The following SYTL3 variants were observed in gnomAD, a reference collection of about 807,000 sequenced individuals.
SYTL3 encodes the protein synaptotagmin-like protein 3.
Under a neutral mutation model 82.1 loss-of-function variants are expected in SYTL3, and 88 were observed. The observed-to-expected ratio is 1.07, with a 90% CI of 0.90 to 1.28. The LOEUF is 1.28. Ranked by LOEUF, SYTL3 falls within the 50% of genes most tolerant of loss-of-function variation. The probability of loss-of-function intolerance (pLI) is 0.00; values close to 1 mark genes in which losing one functional copy is unlikely to be tolerated. For missense variants in SYTL3, 831 were observed against 757.6 expected, an observed-to-expected ratio of 1.10 and a Z score of -1.14; for synonymous variants, 311 against 289.4, an observed-to-expected ratio of 1.07 and a Z score of -0.76.
intron 6 of SYTL3, among the ~76,000 whole-genome samples, chr6:158,705,620 G>T (rs1222928583): frequency 3.3e-5 from 2 of 59,972 alleles, no homozygotes; most frequent in Non-Finnish European, 6.4e-5. Flanking sequence ...CATAGAGCAG[G>T]AGGGACTCGG....
chr6:158,678,426 C>T (rs1213703196), intron 5 of SYTL3, among the ~76,000 whole-genome samples: 3 of 151,658 alleles, frequency 2.0e-5, no homozygotes, highest in African/African-American at 7.3e-5. Context: ...TAGCCACCTG[C>T]AGATGCAAGC....
intron 16 of SYTL3, among the ~76,000 whole-genome samples, chr6:158,762,892 G>T (rs1183987089): frequency 6.6e-6 from 1 of 152,156 alleles, no homozygotes; most frequent in Non-Finnish European, 1.5e-5. Flanking sequence ...ACTCCAGCCT[G>T]GGCGACAGAA....
chr6:158,677,986 C>T (rs1235275255), intron 5 of SYTL3, among the ~76,000 whole-genome samples: 1 of 152,102 alleles, frequency 6.6e-6, no homozygotes, highest in African/African-American at 2.4e-5. Context: ...ACCTCCTGGG[C>T]TCAAGCAGTC....
At chr6:158,712,646 G>A (rs886079438) in intron 8 of SYTL3, among the ~76,000 whole-genome samples, 11 of 152,190 alleles carry the variant, frequency 7.2e-5, no homozygotes, top group Middle Eastern at 3.4e-3. Context: ...ATCTTTCATC[G>A]TTTAGGATTA....
chr6:158,748,844 T>C (rs1787988773), intron 12 of SYTL3, among the ~76,000 whole-genome samples: 2 of 113,046 alleles, frequency 1.8e-5, no homozygotes, highest in Admixed American at 1.6e-4. Context: ...AAACTCCGCC[T>C]GAAAAAAAAA....
intron 6 of SYTL3, among the ~76,000 whole-genome samples, chr6:158,691,499 T>A (rs1779860531): frequency 1.3e-5 from 2 of 152,194 alleles, no homozygotes. Context: ...TCTCCTCTTT[T>A]GGCATCTGCT....
At chr6:158,687,110 C>T (rs1169693237) in intron 6 of SYTL3, among the ~76,000 whole-genome samples, 1 of 152,194 alleles carries the variant, frequency 6.6e-6, no homozygotes, top group Non-Finnish European at 1.5e-5. Flanking sequence ...TGCCTCTTTC[C>T]ACGCACTGGT....
At chr6:158,681,748 A>T (rs1348479692) in intron 5 of SYTL3, among the ~76,000 whole-genome samples, 1 of 152,164 alleles carries the variant, frequency 6.6e-6, no homozygotes, top group African/African-American at 2.4e-5. Context: ...CCCATATTCC[A>T]TACTTCAGGT....
intron 16 of SYTL3, 74 bp from the exon 17 acceptor site, chr6:158,763,230 G>A (rs1790234996): frequency 2.1e-6 from 3 of 1,413,584 alleles, no homozygotes; most frequent in South Asian, 1.2e-5. Context: ...CTTCCCGTCT[G>A]CACTGACGCA....
intron 6 of SYTL3, among the ~76,000 whole-genome samples, chr6:158,694,507 C>T (rs143216227): frequency 6.6e-6 from 1 of 151,942 alleles, no homozygotes; most frequent in African/African-American, 2.4e-5. Flanking sequence ...ATTGCCCAGG[C>T]TGGTCCTGAA....
At position 158,754,468 on chromosome 6, in the gene SYTL3, C is replaced by T. The variant is rs188391454; in HGVS notation, c.1137+2438C>T. ...GGGTGTGGTGGCTCACGCCTGTAATCCCAGCACTTTGGGAGGCCGAGGCAG... is the reference window on the plus strand; with the variant it reads ...GGGTGTGGTGGCTCACGCCTGTAATTCCAGCACTTTGGGAGGCCGAGGCAG... On this transcript the variant is annotated intron_variant, in intron 13 of 17. Transcript: ENST00000611299. Among the ~76,000 whole-genome samples the T allele has an allele frequency of 4.5e-3, 692 of 152,308 alleles. 2 individuals are homozygous for T. Among genetic ancestry groups the T allele is most frequent in the Non-Finnish European group, 5.9e-3 (402 of 68,030 alleles).
rs902140955 is a variant in SYTL3 at position 158,729,787 on chromosome 6, T to G, written c.855+4150T>G. On this transcript the variant is annotated intron_variant, in intron 11 of 17. Coordinates refer to ENST00000611299, the MANE Select transcript of SYTL3 (RefSeq NM_001242394.2). ...TTCACCGTGTTAGCCAGGATGGTCT[T>G]GATCTCCTGACCTTGTGATCCGCTC... Among the ~76,000 whole-genome samples, 4 of 152,008 alleles carry G rather than the reference T, an allele frequency of 2.6e-5. No individual in the cohort carries two copies. In the South Asian group the frequency reaches 8.3e-4, roughly 31 times the overall value.
At chr6:158,727,328 C>T (rs1243211778) in intron 11 of SYTL3, among the ~76,000 whole-genome samples, 9 of 151,730 alleles carry the variant, frequency 5.9e-5, no homozygotes, top group East Asian at 1.9e-4. Context: ...CCCACCACCA[C>T]GTCTGGCTAA....
intron 6 of SYTL3, among the ~76,000 whole-genome samples, chr6:158,699,582 C>T (rs1023060324): frequency 6.6e-6 from 1 of 152,104 alleles, no homozygotes; most frequent in African/African-American, 2.4e-5. Flanking sequence ...TTGTGTGAAT[C>T]CTCACAGTGC....
intron 6 of SYTL3, among the ~76,000 whole-genome samples, chr6:158,683,808 G>C (rs1583223330): frequency 6.6e-6 from 1 of 152,354 alleles, no homozygotes; most frequent in East Asian, 1.9e-4. Context: ...AGTGAGTGAA[G>C]AGCGTTTGAA....
At chr6:158,726,039 T>G in intron 11 of SYTL3, 2 of 590,788 alleles carry the variant, frequency 3.4e-6, no homozygotes. Context: ...GTGTCCAATC[T>G]CATGTGTTAA....
intron 6 of SYTL3, among the ~76,000 whole-genome samples, chr6:158,687,343 T>C (rs1779404738): frequency 6.6e-6 from 1 of 152,150 alleles, no homozygotes; most frequent in African/African-American, 2.4e-5. Flanking sequence ...CCTCATGACA[T>C]GGCGGCTGGC....
intron 13 of SYTL3, among the ~76,000 whole-genome samples, chr6:158,753,554 C>A (rs1469009017): frequency 1.3e-5 from 2 of 151,520 alleles, no homozygotes; most frequent in East Asian, 2.0e-4. Flanking sequence ...CATGGTGAAA[C>A]CCCGTCTCTA....
In SYTL3 at chr6:158,696,208, CT is replaced by C. The variant is rs879581162; in HGVS notation, c.395-11012del. Among the ~76,000 whole-genome samples, 85 of 149,238 alleles carry C rather than the reference CT, an allele frequency of 5.7e-4. 1 individual carries two copies. Among genetic ancestry groups the C allele is most frequent in the Middle Eastern group, 6.9e-3 (2 of 290 alleles). Reference sequence around the variant, plus strand: ...CACACTAACACTTATTTTATTAACACTTTTTTTTTTGAGATGGAGTCTCACT... The same window carrying C: ...CACACTAACACTTATTTTATTAACACTTTTTTTTTGAGATGGAGTCTCACT... On this transcript the variant is annotated intron_variant, in intron 6 of 17. Coordinates refer to ENST00000611299, the MANE Select transcript of SYTL3 (RefSeq NM_001242394.2).
Sources: gnomAD v4.1 joint callset for allele counts (sites outside exome capture counted in the v4.1 genomes callset) on GRCh38, gnomAD v4.1.1 for gene constraint, MANE v1.5 for transcripts, NCBI Gene and HGNC (gene_info 2026-07-23, HGNC 2026-07-21) for gene names.